The following EIF2B1 variants were observed in gnomAD, a reference collection of about 807,000 sequenced individuals.
The protein encoded by EIF2B1 is eukaryotic translation initiation factor 2B subunit alpha, also known as translation initiation factor eIF2B subunit alpha.
In EIF2B1, 30 loss-of-function variants were observed where a neutral mutation model predicts 36.8. The observed-to-expected ratio is 0.81, with a 90% CI of 0.61 to 1.10. EIF2B1 has a LOEUF of 1.10. EIF2B1 is among the 50% of genes least tolerant of loss of function. The probability of loss-of-function intolerance (pLI) is 0.00; values close to 1 mark genes in which losing one functional copy is unlikely to be tolerated. For missense variants in EIF2B1, 271 were observed against 374.8 expected (o/e 0.72, Z 2.29); for synonymous variants, 139 against 142.2 (o/e 0.98, Z 0.16).
Position 123,630,236 on chromosome 12 carries a change from A to G in EIF2B1, c.302T>C (p.Leu101Pro). The change falls in exon 4 of 9, where the codon CTC becomes CCC. Residue 101 changes from leucine to proline, a missense_variant. Physicochemically the swap from Leu to Pro is moderately conservative, Grantham distance 98. Transcript: ENST00000424014. This position sits in a 1 kb window ranked among gnomAD's most constrained non-coding sequence, Gnocchi z 4.6. ...KIMIERGELFLRRISLSRNKI... is the reference protein window; with the variant it reads ...KIMIERGELFPRRISLSRNKI... The stretch of plus-strand genomic sequence containing the variant: ...GTTTCTTGACAGTGATATTCTCCTG[A>G]GAAAAAGTTCTCCCCGCTCAATCAT... 1 of 1,614,114 alleles carries G rather than the reference A, an allele frequency of 6.2e-7. No homozygotes were observed.
chr12:123,622,886 G>A, intron 7 of EIF2B1, 125 bp from the exon 8 acceptor site: 2 of 1,427,640 alleles, frequency 1.4e-6, no homozygotes, highest in Non-Finnish European at 1.9e-6. Flanking sequence ...GAGGTGGGTG[G>A]ATCACCTGAA....
intron 7 of EIF2B1, among the ~76,000 whole-genome samples, chr12:123,623,084 G>A (rs945188460): frequency 4.0e-5 from 6 of 150,168 alleles, no homozygotes; most frequent in African/African-American, 1.5e-4. Flanking sequence ...AAAGGATATA[G>A]AAACAGCCAC....
At chr12:123,622,404 C>A (rs1955109680) in intron 8 of EIF2B1, among the ~76,000 whole-genome samples, 1 of 152,158 alleles carries the variant, frequency 6.6e-6, no homozygotes, top group Non-Finnish European at 1.5e-5. Context: ...TGGGACTTAC[C>A]CACCAGCTTC....
intron 1 of EIF2B1, 83 bp downstream of exon 1, chr12:123,633,462 G>C: frequency 6.3e-7 from 1 of 1,584,772 alleles, no homozygotes; most frequent in South Asian, 1.1e-5. Flanking sequence ...ATCTCTTCGG[G>C]AGCTCAGCCT....
At chr12:123,629,048 G>A (rs931366812) in intron 4 of EIF2B1, among the ~76,000 whole-genome samples, 8 of 152,112 alleles carry the variant, frequency 5.3e-5, no homozygotes, top group Non-Finnish European at 1.0e-4. Context: ...AAAAGGCTTC[G>A]TTTGCAACTG....
chr12:123,625,301 G>A (rs1019040129), intron 6 of EIF2B1, among the ~76,000 whole-genome samples: 2 of 151,926 alleles, frequency 1.3e-5, no homozygotes, highest in African/African-American at 4.8e-5. Flanking sequence ...TGTTGCCCAG[G>A]CTAGAGTGCA....
At chr12:123,625,416 G>C (rs1023056101) in intron 6 of EIF2B1, among the ~76,000 whole-genome samples, 7 of 152,134 alleles carry the variant, frequency 4.6e-5, no homozygotes, top group African/African-American at 1.2e-4. Context: ...ATGCCCTAGA[G>C]ATGGGGTTTC....
intron 7 of EIF2B1, among the ~76,000 whole-genome samples, chr12:123,623,186 G>GC (rs1440337017): frequency 1.5e-4 from 23 of 152,108 alleles, no homozygotes; most frequent in African/African-American, 1.9e-4. Flanking sequence ...TTTGAGACCA[G>GC]CTGGCCAATA....
chr12:123,625,041 G>A (rs1955138015), intron 6 of EIF2B1, among the ~76,000 whole-genome samples, 179 bp from the exon 7 acceptor site: 1 of 151,962 alleles, frequency 6.6e-6, no homozygotes, highest in Non-Finnish European at 1.5e-5. Flanking sequence ...GGTGTTTTCT[G>A]GTCATGACCC....
rs1955081869 is a variant in EIF2B1, at chr12:123,620,823, T to C, written c.*933A>G. 1 of 151,674 alleles carries C rather than the reference T, an allele frequency of 6.6e-6. No individual in the cohort carries two copies. Among genetic ancestry groups the C allele is most frequent in the Non-Finnish European group, 1.5e-5 (1 of 67,960 alleles). The allele number at this position is 151,674 out of a possible 1,614,324, so 9.4% of individuals were successfully genotyped here. ...ATGTGCTGGGGTTTTTCTGTGTTAA[T>C]AGTCACAGTATTGTTTTATTGGTGA... On this transcript the variant is annotated 3_prime_UTR_variant, in exon 9 of 9. Transcript: ENST00000424014.
Position 123,627,109 on chromosome 12 carries a change from T to C in EIF2B1, c.417A>G (p.Glu139=), listed in dbSNP as rs73414297. The change falls in exon 5 of 9, where the codon GAA becomes GAG. Residue 139 remains glutamate (E), a synonymous_variant. Transcript: ENST00000424014. ...AYSRVVLRVL[E]AAVAAKKRFS... ...ATCGCTTCTTGGCCGCCACGGCTGC[T>C]TCCAGGACTCTCAGGACCACTCTGG... 1.6e-3 allele frequency: 2,511 copies of C among 1,614,210 alleles called. 38 individuals carry two copies. In the African/African-American group the frequency reaches 0.03, roughly 19 times the overall value.
rs183748807 is a variant in EIF2B1 at position 123,630,734 on chromosome 12, G to A, written c.116-201C>T. On this transcript the variant is annotated intron_variant, in intron 2 of 8. Transcript: ENST00000424014. This position sits in a 1 kb window ranked among gnomAD's most constrained non-coding sequence, Gnocchi z 4.6. ...GAGTTTTGATTGTAATAGAGGAAGCGGATAGTAAACAAGCACACATAGAAA... is the reference window on the plus strand; with the variant it reads ...GAGTTTTGATTGTAATAGAGGAAGCAGATAGTAAACAAGCACACATAGAAA... 2.0e-4 allele frequency among the ~76,000 whole-genome samples: 30 copies of A among 152,284 alleles called. 1 individual carries two copies. Among genetic ancestry groups the A allele is most frequent in the Admixed American group, 1.4e-3 (22 of 15,292 alleles).
In EIF2B1 at chr12:123,633,632, G is replaced by A; in HGVS notation, c.-75C>T. 1.3e-6 allele frequency: 2 copies of A among 1,591,648 alleles called. No individual in the cohort carries two copies. The highest frequency in any genetic ancestry group is 1.1e-5 in the South Asian group (1 of 90,778). Reference sequence around the variant, plus strand: ...CTCGAACGGGTCCGCCGGCCGCGCCGCCTGCGAGCCAGTCTGACAGCGCGC... The same window carrying A: ...CTCGAACGGGTCCGCCGGCCGCGCCACCTGCGAGCCAGTCTGACAGCGCGC... On this transcript the variant is annotated 5_prime_UTR_variant, in exon 1 of 9. Coordinates refer to ENST00000424014, the MANE Select transcript of EIF2B1 (RefSeq NM_001414.4).
intron 4 of EIF2B1, among the ~76,000 whole-genome samples, chr12:123,628,378 G>A (rs1371897223): frequency 2.4e-5 from 2 of 81,674 alleles, no homozygotes; most frequent in African/African-American, 5.8e-5. Flanking sequence ...TTTTTTTTTG[G>A]TGAGACAGGA....
chr12:123,626,955 C>T (rs1322030856), intron 5 of EIF2B1, 89 bp downstream of exon 5: 1 of 1,198,740 alleles, frequency 8.3e-7, no homozygotes, highest in Non-Finnish European at 1.2e-6. Flanking sequence ...GCTGGGGGCA[C>T]ATTCTGGTTC....
At chr12:123,623,969 C>G (rs907262800) in intron 7 of EIF2B1, among the ~76,000 whole-genome samples, 1 of 151,664 alleles carries the variant, frequency 6.6e-6, no homozygotes, top group Non-Finnish European at 1.5e-5. Flanking sequence ...GCTAGGAGTT[C>G]AAGACTGCAG....
Position 123,621,693 on chromosome 12 carries a change from C to CA in EIF2B1, c.*62dup. The CA allele has an allele frequency of 1.2e-6, 2 of 1,608,638 alleles. No individual in the cohort carries two copies. The highest frequency in any genetic ancestry group is 2.2e-5 in the South Asian group (2 of 90,616). ...GTTTTGGCCTGACTCACTGGGGTGT[C>CA]AAGCAGCTACTCACCCTGCCTCAAC... On this transcript the variant is annotated 3_prime_UTR_variant, in exon 9 of 9. Transcript: ENST00000424014.
At chr12:123,622,033 G>A in intron 8 of EIF2B1, 113 bp from the exon 9 acceptor site, 1 of 1,425,060 alleles carries the variant, frequency 7.0e-7, no homozygotes, top group East Asian at 2.5e-5. Flanking sequence ...CTGAAAATGG[G>A]AGAAACTAAG....
rs953417176 is a variant in EIF2B1, at chr12:123,624,991, C to G, written c.552-129G>C. 3.7e-6 allele frequency: 3 copies of G among 817,258 alleles called. No individual in the cohort carries two copies. In the African/African-American group the frequency reaches 5.1e-5, roughly 14 times the overall value. The allele number at this position is 817,258 out of a possible 1,614,324, so 50.6% of individuals were successfully genotyped here. On this transcript the variant is annotated intron_variant, in intron 6 of 8. Coordinates refer to ENST00000424014, the MANE Select transcript of EIF2B1 (RefSeq NM_001414.4). ...CCATAACTACCTGTTTTTTTTAAAG[C>G]GCACTTAACACGCGATAGACCCCTG... is the stretch of plus-strand genomic sequence containing the variant.
Sources: gnomAD v4.1 joint callset for allele counts (sites outside exome capture counted in the v4.1 genomes callset) on GRCh38, gnomAD v4.1.1 for gene constraint, Gnocchi (gnomAD v3.1) non-coding constraint, MANE v1.5 for transcripts, NCBI Gene and HGNC (gene_info 2026-07-23, HGNC 2026-07-21) for gene names.